The following LRRC37A2 variants were observed in gnomAD, a reference collection of about 807,000 sequenced individuals.
LRRC37A2 encodes leucine rich repeat containing 37 member A2, also known as leucine-rich repeat-containing protein 37A2.
LRRC37A2 carries 9 observed loss-of-function variants against 68.8 expected under a neutral mutation model. That is an observed-to-expected ratio of 0.13 (90% CI 0.08 to 0.23). The LOEUF is 0.23. LRRC37A2 is among the 10% of genes least tolerant of loss of function. The pLI, the probability that LRRC37A2 is intolerant of heterozygous loss-of-function variation, is 1.00. For missense variants in LRRC37A2, 168 were observed against 950.4 expected (o/e 0.18, Z 10.82); for synonymous variants, 63 against 367.6 (o/e 0.17, Z 9.48).
At chr17:46,811,100 G>T in the LRRC37A2 span, among the ~76,000 whole-genome samples, 1 of 152,094 alleles carries the variant, frequency 6.6e-6, no homozygotes, top group Admixed American at 6.6e-5. Flanking sequence ...AACTCCTCCC[G>T]GCTGTACAGG....
At chr17:46,828,207 CT>C in the LRRC37A2 span, among the ~76,000 whole-genome samples, 1 of 151,346 alleles carries the variant, frequency 6.6e-6, no homozygotes, top group Non-Finnish European at 1.5e-5. Context: ...TTTCTTTTCT[CT>C]TTTTTTGAGA....
At chr17:46,449,823 A>G in the LRRC37A2 span, among the ~76,000 whole-genome samples, 1 of 105,808 alleles carries the variant, frequency 9.5e-6, no homozygotes, top group Non-Finnish European at 2.1e-5. Context: ...CAATGACAGC[A>G]CTGCTCTCCA....
chr17:46,888,642 C>A, the LRRC37A2 span, among the ~76,000 whole-genome samples: 664 of 152,254 alleles, frequency 4.4e-3, 1 homozygote, highest in Admixed American at 7.0e-3. Flanking sequence ...AGCTGTCTGT[C>A]AAGCACAGGA....
At chr17:46,841,899 G>T in the LRRC37A2 span, among the ~76,000 whole-genome samples, 4 of 152,072 alleles carry the variant, frequency 2.6e-5, no homozygotes, top group Non-Finnish European at 4.4e-5. Context: ...TGCGGTGTGT[G>T]GGGGGGTCTC....
chr17:47,048,418 C>G, the LRRC37A2 span, among the ~76,000 whole-genome samples: 1 of 145,126 alleles, frequency 6.9e-6, no homozygotes, highest in Admixed American at 7.0e-5. Context: ...GTTGCTTTTT[C>G]CCTTCTGCAT....
the LRRC37A2 span, among the ~76,000 whole-genome samples, chr17:46,681,676 A>G: frequency 9.6e-6 from 1 of 104,210 alleles, no homozygotes; most frequent in Non-Finnish European, 1.8e-5. Flanking sequence ...TAGTGCTTTA[A>G]GTCTGCTTGT....
the LRRC37A2 span, among the ~76,000 whole-genome samples, chr17:46,815,043 A>G: frequency 1.3e-5 from 2 of 152,154 alleles, no homozygotes; most frequent in African/African-American, 4.8e-5. Flanking sequence ...ATGGGTGGCC[A>G]CTGGTCCTCA....
At chr17:47,042,944 T>C in the LRRC37A2 span, among the ~76,000 whole-genome samples, 1 of 148,622 alleles carries the variant, frequency 6.7e-6, no homozygotes, top group East Asian at 2.0e-4. Flanking sequence ...CTTAATAGCT[T>C]GGTGACCCAG....
the LRRC37A2 span, among the ~76,000 whole-genome samples, chr17:46,953,981 A>T: frequency 3.3e-5 from 5 of 152,152 alleles, no homozygotes; most frequent in African/African-American, 7.2e-5. Flanking sequence ...CCCATTCTGT[A>T]GGTTGCCTGT....
the LRRC37A2 span, among the ~76,000 whole-genome samples, chr17:46,909,528 G>T: frequency 1.3e-5 from 2 of 152,266 alleles, 1 homozygote; most frequent in South Asian, 4.2e-4. Flanking sequence ...GTCTTCGAAA[G>T]CCAGTGTATG....
At chr17:46,985,316 C>T in the LRRC37A2 span, among the ~76,000 whole-genome samples, 2 of 152,038 alleles carry the variant, frequency 1.3e-5, no homozygotes, top group Non-Finnish European at 1.5e-5. Flanking sequence ...GTCACTAGTT[C>T]GAGACCAGCC....
At chr17:46,903,737 G>T in the LRRC37A2 span, among the ~76,000 whole-genome samples, 1 of 150,100 alleles carries the variant, frequency 6.7e-6, no homozygotes, top group Non-Finnish European at 1.5e-5. Flanking sequence ...GTAGATGGAT[G>T]GATGAATGGG....
chr17:46,930,982 T>A, the LRRC37A2 span: 1 of 699,804 alleles, frequency 1.4e-6, no homozygotes, highest in Non-Finnish European at 2.6e-6. Context: ...ATTTTTCTCC[T>A]TTTGAAATAT....
At chr17:46,892,028 T>C in the LRRC37A2 span, among the ~76,000 whole-genome samples, 1 of 150,432 alleles carries the variant, frequency 6.6e-6, no homozygotes, top group Admixed American at 6.7e-5. Flanking sequence ...CAAGTGATTC[T>C]CCTGCCTCAG....
chr17:46,996,211 A>G, the LRRC37A2 span, among the ~76,000 whole-genome samples: 1 of 152,218 alleles, frequency 6.6e-6, no homozygotes, highest in Non-Finnish European at 1.5e-5. Context: ...CCTGACATAC[A>G]GGAACAACGG....
chr17:46,771,702 C>T, the LRRC37A2 span, among the ~76,000 whole-genome samples: 2 of 143,778 alleles, frequency 1.4e-5, no homozygotes, highest in African/African-American at 2.5e-5. Flanking sequence ...GCGGCCGGGC[C>T]GCGCCCCCGG....
the LRRC37A2 span, among the ~76,000 whole-genome samples, chr17:46,776,783 CTGGTGTT>C: frequency 1.3e-5 from 2 of 152,128 alleles, no homozygotes; most frequent in African/African-American, 2.4e-5. Flanking sequence ...GCTCCTTCCT[CTGGTGTT>C]TGGGACCCAG....
At chr17:47,000,327 C>T in the LRRC37A2 span, among the ~76,000 whole-genome samples, 38 of 151,272 alleles carry the variant, frequency 2.5e-4, no homozygotes, top group Non-Finnish European at 4.0e-4. Context: ...CTCCACCTCC[C>T]GGGTTTCAGC....
the LRRC37A2 span, among the ~76,000 whole-genome samples, chr17:46,771,136 C>T: frequency 6.6e-6 from 1 of 152,216 alleles, no homozygotes; most frequent in Non-Finnish European, 1.5e-5. Flanking sequence ...TCTCCGCGGC[C>T]CCCACGCCCT....
Sources: allele counts gnomAD v4.1 joint callset (sites outside exome capture counted in the v4.1 genomes callset), GRCh38; gene constraint gnomAD v4.1.1; transcripts MANE v1.5; gene names NCBI Gene and HGNC (gene_info 2026-07-23, HGNC 2026-07-21).